Variants in GLB1 observed in about 807,000 individuals in gnomAD.
GLB1 encodes galactosidase beta 1.
In GLB1, 56 loss-of-function variants were observed where a neutral mutation model predicts 74.0. That is an observed-to-expected ratio of 0.76 (90% CI 0.61 to 0.94). The LOEUF (loss-of-function observed/expected upper bound fraction) is 0.94, where lower values mean the gene tolerates loss of function less well. Among genes scored for constraint, GLB1 ranks in the 40% least tolerant of loss-of-function variants. The pLI is 0.00. For synonymous variants in GLB1, 323 were observed against 323.6 expected (o/e 1.00, Z 0.02); for missense variants, 787 against 845.5 (o/e 0.93, Z 0.86).
At position 33,051,854 on chromosome 3, in the gene GLB1, C is replaced by T; in HGVS notation, c.914+29G>A. 1.9e-6 allele frequency: 3 copies of T among 1,614,192 alleles called. No individual in the cohort carries two copies. The East Asian group carries it at 6.7e-5, about 36-fold the overall frequency. Reference sequence around the variant, plus strand: ...ACTGTGAGCCCATGGCTACTGAGGGCACCCTCCCCTCAGGCAATGAACACT... The same window carrying T: ...ACTGTGAGCCCATGGCTACTGAGGGTACCCTCCCCTCAGGCAATGAACACT... On this transcript the variant is annotated intron_variant, in intron 8 of 15. Transcript: ENST00000307363.
chr3:32,962,125 C>T, the GLB1 span, among the ~76,000 whole-genome samples: 7 of 151,610 alleles, frequency 4.6e-5, no homozygotes, highest in Non-Finnish European at 7.4e-5. Flanking sequence ...ACCCAGGAGG[C>T]GGAGGTTGCA....
intron 4 of GLB1, 32 bp downstream of exon 4, chr3:33,068,198 T>C: frequency 1.9e-6 from 3 of 1,613,906 alleles, no homozygotes; most frequent in Non-Finnish European, 2.5e-6. Flanking sequence ...GAAGCTTTTA[T>C]AAATCTTCTC....
intron 10 of GLB1, among the ~76,000 whole-genome samples, chr3:33,026,547 C>A (rs769161698): frequency 1.3e-4 from 20 of 152,264 alleles, no homozygotes; most frequent in Admixed American, 7.8e-4. Flanking sequence ...CTGGGGAGGG[C>A]CCGAAGCCTG....
intron 12 of GLB1, among the ~76,000 whole-genome samples, chr3:33,019,807 G>T (rs1697394063): frequency 6.6e-6 from 1 of 152,162 alleles, no homozygotes; most frequent in South Asian, 2.1e-4. Context: ...GGCAGGTGTG[G>T]CTGAGGCTCA....
the GLB1 span, among the ~76,000 whole-genome samples, chr3:32,986,964 G>A: frequency 1.3e-5 from 2 of 152,192 alleles, no homozygotes; most frequent in Admixed American, 1.3e-4. Flanking sequence ...TCAAGTCTCA[G>A]TTTAGAGACC....
intron 1 of GLB1, among the ~76,000 whole-genome samples, chr3:33,087,682 T>G (rs1700578121): frequency 6.6e-6 from 1 of 151,200 alleles, no homozygotes; most frequent in Non-Finnish European, 1.5e-5. Flanking sequence ...CTACCAAACA[T>G]TTAAAGAAGA....
At chr3:33,060,862 T>C (rs1699414151) in intron 5 of GLB1, among the ~76,000 whole-genome samples, 1 of 152,128 alleles carries the variant, frequency 6.6e-6, no homozygotes, top group Non-Finnish European at 1.5e-5. Flanking sequence ...CTCGATGGGT[T>C]ATCATGAGGA....
intron 1 of GLB1, chr3:33,091,507 C>A (rs1372443276): frequency 4.0e-5 from 39 of 985,396 alleles, no homozygotes; most frequent in Non-Finnish European, 1.4e-5. Context: ...CTGTGCCCAA[C>A]AGAGTTCCTT....
rs143322194 is a variant in GLB1, at chr3:33,074,408, G to GAAAGAAAGAAAGAAAGAAAGAAAGAA, written c.76-1696_76-1695insTTCTTTCTTTCTTTCTTTCTTTCTTT. ...AGGAAGGAAGAAAGAAAGAAAGAAAGAATATTACACATAGTAAAGTATTAC... is the reference window on the plus strand; with the variant it reads ...AGGAAGGAAGAAAGAAAGAAAGAAAGAAAGAAAGAAAGAAAGAAAGAAAGAAAATATTACACATAGTAAAGTATTAC... On this transcript the variant is annotated intron_variant, in intron 1 of 15. Coordinates refer to ENST00000307363, the MANE Select transcript of GLB1 (RefSeq NM_000404.4). 8.5e-3 allele frequency among the ~76,000 whole-genome samples: 962 copies of GAAAGAAAGAAAGAAAGAAAGAAAGAA among 113,240 alleles called. 115 individuals are homozygous for GAAAGAAAGAAAGAAAGAAAGAAAGAA. The highest frequency in any genetic ancestry group is 0.015 in the Non-Finnish European group (734 of 50,490). 74.3% of individuals were successfully genotyped at this position (113,240 alleles called of 152,430 possible).
rs146135187 is a variant in GLB1 at position 33,007,899 on chromosome 3, C to T, written c.1734+6157G>A. Among the ~76,000 whole-genome samples the T allele has an allele frequency of 2.0e-4, 31 of 152,332 alleles. No individual in the cohort carries two copies. The East Asian group carries it at 4.0e-3, about 20-fold the overall frequency. On this transcript the variant is annotated intron_variant, in intron 15 of 15. Coordinates refer to ENST00000307363, the MANE Select transcript of GLB1 (RefSeq NM_000404.4). The stretch of plus-strand genomic sequence containing the variant: ...CTTTTTCACATGGGCCTTCAAGACA[C>T]GGCTGGGGCTCAGGTAGATGTGCCA...
chr3:32,966,612 T>C, the GLB1 span, among the ~76,000 whole-genome samples: 1 of 152,108 alleles, frequency 6.6e-6, no homozygotes, highest in African/African-American at 2.4e-5. Flanking sequence ...AAAGGCATGA[T>C]TGGCTTTGAA....
At chr3:33,091,995 A>G (rs1700783470) in intron 1 of GLB1, 1 of 983,942 alleles carries the variant, frequency 1.0e-6, no homozygotes, top group African/African-American at 1.7e-5. Flanking sequence ...CCTGTGCCCT[A>G]TCTCTCTTTG....
the GLB1 span, among the ~76,000 whole-genome samples, chr3:32,961,661 A>G: frequency 1.3e-5 from 2 of 152,262 alleles, no homozygotes; most frequent in Non-Finnish European, 2.9e-5. Context: ...AAACAATGCA[A>G]AGACAAATAC....
chr3:33,095,854 G>A (rs1371168949), intron 1 of GLB1, among the ~76,000 whole-genome samples: 2 of 152,118 alleles, frequency 1.3e-5, no homozygotes, highest in Middle Eastern at 3.2e-3. Context: ...AAGGTCCTAC[G>A]GGCCTTCTGG....
the GLB1 span, among the ~76,000 whole-genome samples, chr3:32,978,439 C>T: frequency 6.6e-6 from 1 of 152,026 alleles, no homozygotes; most frequent in Non-Finnish European, 1.5e-5. Flanking sequence ...GAGAGAAGCT[C>T]TTACATCGTG....
At chr3:33,092,071 T>C in intron 1 of GLB1, 1 of 985,506 alleles carries the variant, frequency 1.0e-6, no homozygotes, top group Non-Finnish European at 1.2e-6. Context: ...CGAAGGGTTG[T>C]ATAAAATGAG....
intron 10 of GLB1, among the ~76,000 whole-genome samples, chr3:33,037,599 G>GCTCA (rs1698331519): frequency 6.6e-6 from 1 of 152,102 alleles, no homozygotes; most frequent in Admixed American, 6.5e-5. Flanking sequence ...AAACTACAGT[G>GCTCA]CTCATGTCAC....
At chr3:33,036,483 C>T (rs763220356) in intron 10 of GLB1, among the ~76,000 whole-genome samples, 1 of 151,956 alleles carries the variant, frequency 6.6e-6, no homozygotes, top group Non-Finnish European at 1.5e-5. Context: ...GAAAATAATT[C>T]TAAAAATAAG....
chr3:32,998,512 C>CAAA (rs35791447), intron 15 of GLB1, among the ~76,000 whole-genome samples: 1 of 84,466 alleles, frequency 1.2e-5, no homozygotes. Context: ...GACTCCGTCT[C>CAAA]AAAAAAAAAA....
Sources: gnomAD v4.1 joint callset for allele counts (sites outside exome capture counted in the v4.1 genomes callset) on GRCh38, gnomAD v4.1.1 for gene constraint, MANE v1.5 for transcripts, NCBI Gene and HGNC (gene_info 2026-07-23, HGNC 2026-07-21) for gene names.